TCF20: variants seen among roughly 807,000 people sequenced by gnomAD.
TCF20 encodes SPRE-binding protein.
Under a neutral mutation model 148.6 loss-of-function variants are expected in TCF20, and 3 were observed. The observed-to-expected ratio is 0.02, with a 90% CI of 0.01 to 0.05. The LOEUF (loss-of-function observed/expected upper bound fraction) is 0.05. Ranked by LOEUF, TCF20 falls within the 10% of genes least tolerant of loss-of-function variation. The pLI, the probability that TCF20 is intolerant of heterozygous loss-of-function variation, is 1.00. For synonymous variants in TCF20, 1,049 were observed against 909.5 expected, an observed-to-expected ratio of 1.15 and a Z score of -2.76; for missense variants, 2,350 against 2,429.3, an observed-to-expected ratio of 0.97 and a Z score of 0.69.
At chr22:42,320,232 T>G (rs1282415417) in intron 1 of TCF20, among the ~76,000 whole-genome samples, 2 of 152,222 alleles carry the variant, frequency 1.3e-5, no homozygotes, top group Non-Finnish European at 2.9e-5. Context: ...TTGCAAGTTC[T>G]GTTCTGCCCA....
At position 42,267,403 on chromosome 22, in the gene TCF20, T is replaced by A. The variant is rs145546629; in HGVS notation, c.-37+2936A>T. Among the ~76,000 whole-genome samples the A allele has an allele frequency of 9.9e-5, 15 of 152,014 alleles. No homozygotes were observed. In the East Asian group the frequency reaches 2.9e-3, roughly 30 times the overall value. ...ATCACAAATAATCTGTGTGGCTATA[T>A]AAAAGTGTCTACTTGTGGGCTGGGC... On this transcript the variant is annotated intron_variant, in intron 1 of 5. Coordinates refer to ENST00000677622, the MANE Select transcript of TCF20 (RefSeq NM_001378418.1).
intron 1 of TCF20, among the ~76,000 whole-genome samples, chr22:42,331,127 T>A (rs4822111): frequency 6.6e-6 from 1 of 152,088 alleles, no homozygotes; most frequent in Non-Finnish European, 1.5e-5. Context: ...TGACAAACTG[T>A]GTTCAAGCTT....
intron 1 of TCF20, among the ~76,000 whole-genome samples, chr22:42,331,358 C>A (rs558299948): frequency 1.3e-5 from 2 of 152,288 alleles, no homozygotes; most frequent in African/African-American, 4.8e-5. Flanking sequence ...CCTGAGATCT[C>A]GTGAGCCTCA....
rs868367122 is a variant in TCF20, at chr22:42,279,259, C to T, written c.-37+4568G>A. ...GTGGCTCATACCTGTAGTCCCAGCACTTTGGGAGGCTGAGGCGGGCGGATC... is the reference window on the plus strand; with the variant it reads ...GTGGCTCATACCTGTAGTCCCAGCATTTTGGGAGGCTGAGGCGGGCGGATC... On this transcript the variant is annotated intron_variant, in intron 1 of 5. Transcript: ENST00000359486. This position sits in a 1 kb window ranked among gnomAD's most constrained non-coding sequence, Gnocchi z 4.3. 1.4e-4 allele frequency among the ~76,000 whole-genome samples: 22 copies of T among 152,208 alleles called. No homozygotes were observed. Among genetic ancestry groups the T allele is most frequent in the Middle Eastern group, 3.4e-3 (1 of 294 alleles).
chr22:42,320,422 AC>A (rs1409571203), intron 1 of TCF20, among the ~76,000 whole-genome samples: 1 of 152,132 alleles, frequency 6.6e-6, no homozygotes, highest in Non-Finnish European at 1.5e-5. Flanking sequence ...GGGGCTGGAC[AC>A]CAGCTCCTTC....
intron 2 of TCF20, among the ~76,000 whole-genome samples, chr22:42,187,761 T>G (rs1483879789): frequency 6.6e-6 from 1 of 152,234 alleles, no homozygotes; most frequent in Non-Finnish European, 1.5e-5. Flanking sequence ...AGAATGTCCT[T>G]CTTTGTCTTT....
chr22:42,268,450 C>G (rs2146996630), intron 1 of TCF20, among the ~76,000 whole-genome samples: 1 of 152,322 alleles, frequency 6.6e-6, no homozygotes, highest in African/African-American at 2.4e-5. Context: ...CCTGAGGTGA[C>G]AGTTAATTCC....
intron 3 of TCF20, among the ~76,000 whole-genome samples, chr22:42,173,241 A>AT (rs35516504): frequency 0.16 from 21,543 of 136,728 alleles, 1,806 homozygotes; most frequent in Non-Finnish European, 0.19. Flanking sequence ...AAATACATTA[A>AT]TTAAAAAAAA....
At chr22:42,318,697 C>A (rs1419670937) in intron 1 of TCF20, among the ~76,000 whole-genome samples, 1 of 152,200 alleles carries the variant, frequency 6.6e-6, no homozygotes, top group Non-Finnish European at 1.5e-5. Context: ...CTGCAGGTGA[C>A]CTGGGGTTTC....
chr22:42,288,537 G>GAAAA (rs397867980), upstream of TCF20, among the ~76,000 whole-genome samples: 3 of 73,442 alleles, frequency 4.1e-5, no homozygotes, highest in Non-Finnish European at 7.8e-5. Context: ...TCCATCTCAG[G>GAAAA]AAAAAAAAAA....
At chr22:42,316,486 G>C (rs1488873137) in intron 1 of TCF20, among the ~76,000 whole-genome samples, 1 of 152,152 alleles carries the variant, frequency 6.6e-6, no homozygotes, top group Non-Finnish European at 1.5e-5. Flanking sequence ...GAGCCTGGAG[G>C]GTCAGAGAAG....
intron 1 of TCF20, among the ~76,000 whole-genome samples, chr22:42,233,343 T>C (rs1405827372): frequency 6.6e-6 from 1 of 152,204 alleles, no homozygotes; most frequent in East Asian, 1.9e-4. Flanking sequence ...ATACAGCCAG[T>C]CAGTAAGGAA....
intron 1 of TCF20, among the ~76,000 whole-genome samples, chr22:42,220,619 C>G (rs1922271837): frequency 6.6e-6 from 1 of 152,198 alleles, no homozygotes. Context: ...TTTGCCCCCA[C>G]AGCCTCTCCT....
intron 1 of TCF20, among the ~76,000 whole-genome samples, chr22:42,245,847 C>T (rs918485410): frequency 6.6e-6 from 1 of 152,162 alleles, no homozygotes; most frequent in African/African-American, 2.4e-5. Context: ...CTCCTCGCCT[C>T]AAGCAATCCT....
chr22:42,334,623 C>T (rs1411155870), intron 1 of TCF20, among the ~76,000 whole-genome samples: 1 of 152,272 alleles, frequency 6.6e-6, no homozygotes, highest in Non-Finnish European at 1.5e-5. Flanking sequence ...CCGAGAACAA[C>T]AGTGTGGCAG....
At chr22:42,275,773 A>G (rs754464020) in intron 1 of TCF20, among the ~76,000 whole-genome samples, 3 of 152,156 alleles carry the variant, frequency 2.0e-5, no homozygotes, top group Non-Finnish European at 4.4e-5. Flanking sequence ...TCTGGCTCCA[A>G]AGCCCCCACA....
At chr22:42,221,992 C>G (rs2147249318) in intron 1 of TCF20, among the ~76,000 whole-genome samples, 1 of 152,132 alleles carries the variant, frequency 6.6e-6, no homozygotes, top group East Asian at 1.9e-4. Context: ...CCCGCCTCAG[C>G]CTCCCAAAGT....
Position 42,326,079 on chromosome 22 carries a change from G to A in TCF20, c.-37+17400C>T, listed in dbSNP as rs916693829. The stretch of plus-strand genomic sequence containing the variant: ...GGCTGCCAGGGGTGCCAGCTGCTGA[G>A]GGTCCCTTTGGTGAAGGAGCCAACT... On this transcript the variant is annotated intron_variant, in intron 1 of 1. Coordinates refer to the TCF20 transcript ENST00000515426. Among the ~76,000 whole-genome samples the A allele has an allele frequency of 7.9e-5, 12 of 152,150 alleles. No homozygotes were observed. The East Asian group carries it at 2.3e-3, about 29-fold the overall frequency.
intron 1 of TCF20, among the ~76,000 whole-genome samples, chr22:42,283,524 C>T (rs1926958439): frequency 6.6e-6 from 1 of 152,186 alleles, no homozygotes; most frequent in Non-Finnish European, 1.5e-5. Context: ...GGCCCCTCCT[C>T]TCCCGGCCAC....
Sources: gnomAD v4.1 joint callset for allele counts (sites outside exome capture counted in the v4.1 genomes callset) on GRCh38, gnomAD v4.1.1 for gene constraint, Gnocchi (gnomAD v3.1) non-coding constraint, MANE v1.5 for transcripts, NCBI Gene and HGNC (gene_info 2026-07-23, HGNC 2026-07-21) for gene names.